Variants in HPS1 observed in about 807,000 individuals in gnomAD.
HPS1 encodes the protein BLOC-3 complex member HPS1.
In HPS1, 59 loss-of-function variants were observed where a neutral mutation model predicts 90.6. The ratio of observed to expected loss-of-function variants is 0.65; its 90% confidence interval spans 0.53 to 0.81. The LOEUF (loss-of-function observed/expected upper bound fraction) is 0.81. Ranked by LOEUF, HPS1 falls within the 30% of genes least tolerant of loss-of-function variation. HPS1 has a pLI of 0.00. For synonymous variants in HPS1, 388 were observed against 384.4 expected (o/e 1.01, Z -0.11); for missense variants, 849 against 896.7 (o/e 0.95, Z 0.68).
intron 14 of HPS1, 53 bp from the exon 15 acceptor site, chr10:98,423,940 C>T (rs1016326877): frequency 6.2e-6 from 10 of 1,604,954 alleles, no homozygotes; most frequent in East Asian, 2.2e-5. Context: ...GGGAGCCCCT[C>T]GCCCTGTGTG....
intron 17 of HPS1, among the ~76,000 whole-genome samples, chr10:98,421,552 C>G (rs1844848955): frequency 6.6e-6 from 1 of 152,104 alleles, no homozygotes; most frequent in Admixed American, 6.6e-5. Context: ...AGCAAAGTTG[C>G]ACATACAGAG....
Position 98,423,797 on chromosome 10 carries a change from T to C in HPS1, c.1488A>G (p.Pro496=). ...GGTCCTGCAGGTGCTGGGGCAGGTGTGGGCCTCCCCTGCTGGGGGCTGTGG... is the reference window on the plus strand; with the variant it reads ...GGTCCTGCAGGTGCTGGGGCAGGTGCGGGCCTCCCCTGCTGGGGGCTGTGG... ...FLTTAPSRGG[P]HLPQHLQDQV... is the part of the protein sequence containing the mutation. Residue 496 remains proline, a synonymous_variant, in exon 15 of 20, where the codon CCA becomes CCG. Transcript: ENST00000361490. 6.2e-7 allele frequency: 1 copy of C among 1,614,012 alleles called. No homozygotes were observed. Among genetic ancestry groups the C allele is most frequent in the Non-Finnish European group, 8.5e-7 (1 of 1,180,010 alleles).
intron 17 of HPS1, among the ~76,000 whole-genome samples, chr10:98,421,634 C>T (rs1323833647): frequency 6.6e-6 from 1 of 152,152 alleles, no homozygotes; most frequent in African/African-American, 2.4e-5. Context: ...CAACTGTCTC[C>T]AGAATGAGGG....
At position 98,417,558 on chromosome 10, in the gene HPS1, C is replaced by T; in HGVS notation, c.*6G>A. 6.2e-7 allele frequency: 1 copy of T among 1,608,222 alleles called. No individual in the cohort carries two copies. Among genetic ancestry groups the T allele is most frequent in the Non-Finnish European group, 8.5e-7 (1 of 1,177,746 alleles). Reference sequence around the variant, plus strand: ...GGATGCAAAGGCAGACTGCGGCCACCTTGGCCTAGAGCAGGGGGATACGGG... The same window carrying T: ...GGATGCAAAGGCAGACTGCGGCCACTTTGGCCTAGAGCAGGGGGATACGGG... On this transcript the variant is annotated 3_prime_UTR_variant, in exon 20 of 20. Coordinates refer to ENST00000361490, the MANE Select transcript of HPS1 (RefSeq NM_000195.5). The surrounding 1 kb of genome is among the most constrained non-coding windows in gnomAD (Gnocchi z 4.2).
rs369086708 is a variant in HPS1 at position 98,435,453 on chromosome 10, G to A, written c.256-39C>T. ...CAGGCCAGTGTCAGCCAGCCCCAAGGGCACTCCCTTCACCTGCCCTGGTCT... is the reference window on the plus strand; with the variant it reads ...CAGGCCAGTGTCAGCCAGCCCCAAGAGCACTCCCTTCACCTGCCCTGGTCT... On this transcript the variant is annotated intron_variant, in intron 4 of 19. Coordinates refer to ENST00000361490, the MANE Select transcript of HPS1 (RefSeq NM_000195.5). This position sits in a 1 kb window ranked among gnomAD's most constrained non-coding sequence, Gnocchi z 4.3. 1.1e-4 allele frequency: 183 copies of A among 1,613,552 alleles called. No homozygotes were observed. In the African/African-American group the frequency reaches 2.2e-3, roughly 20 times the overall value.
At chr10:98,430,218 C>A (rs140427718) in intron 8 of HPS1, among the ~76,000 whole-genome samples, 1 of 152,210 alleles carries the variant, frequency 6.6e-6, no homozygotes, top group South Asian at 2.1e-4. Flanking sequence ...CCCCTTTTGT[C>A]CCTCCAAATA....
intron 14 of HPS1, among the ~76,000 whole-genome samples, chr10:98,424,102 G>C (rs1845274721): frequency 6.6e-6 from 1 of 152,168 alleles, no homozygotes; most frequent in African/African-American, 2.4e-5. Flanking sequence ...CAGACAGATG[G>C]AAAGACCTAA....
Position 98,417,434 on chromosome 10 carries a change from G to A in HPS1, c.*130C>T. The A allele has an allele frequency of 1.3e-6, 1 of 774,040 alleles. No homozygotes were observed. Among genetic ancestry groups the A allele is most frequent in the Non-Finnish European group, 2.0e-6 (1 of 490,018 alleles). 47.9% of individuals were successfully genotyped at this position (774,040 alleles called of 1,614,324 possible). A position where few individuals can be genotyped will look rare whatever the true frequency, so the allele number is the denominator to read the frequency against. On this transcript the variant is annotated 3_prime_UTR_variant, in exon 20 of 20. Coordinates refer to ENST00000361490, the MANE Select transcript of HPS1 (RefSeq NM_000195.5). The surrounding 1 kb of genome is among the most constrained non-coding windows in gnomAD (Gnocchi z 4.2). ...TCTAGGTGGGGTTTTAGAAGCCCTG[G>A]GGCCACCCTGGGCACTCTGCCCTAT...
intron 11 of HPS1, among the ~76,000 whole-genome samples, chr10:98,426,508 T>G (rs1845620004): frequency 6.6e-6 from 1 of 152,168 alleles, no homozygotes; most frequent in Middle Eastern, 3.2e-3. Flanking sequence ...AAGGAAATCA[T>G]GAGAGATGCC....
chr10:98,440,155 G>T (rs1272028747), intron 3 of HPS1, among the ~76,000 whole-genome samples: 3 of 152,124 alleles, frequency 2.0e-5, no homozygotes, highest in Non-Finnish European at 2.9e-5. Flanking sequence ...GTAAGAAAAT[G>T]GACTAATACA....
In HPS1 at chr10:98,435,208, C is replaced by T. The variant is rs1847129476; in HGVS notation, c.398+64G>A. 24 of 1,603,438 alleles carry T rather than the reference C, an allele frequency of 1.5e-5. No homozygotes were observed. Among genetic ancestry groups the T allele is most frequent in the Non-Finnish European group, 2.0e-5 (23 of 1,171,928 alleles). On this transcript the variant is annotated intron_variant, in intron 5 of 19. Coordinates refer to ENST00000361490, the MANE Select transcript of HPS1 (RefSeq NM_000195.5). This position sits in a 1 kb window ranked among gnomAD's most constrained non-coding sequence, Gnocchi z 4.3. ...ATGGCAGCTTCACAGGGGCTGGGCA[C>T]ACGCTGCCTGGCCCAGCGAGGGTGC...
intron 3 of HPS1, among the ~76,000 whole-genome samples, chr10:98,436,926 C>T (rs553663583): frequency 2.6e-4 from 40 of 152,270 alleles, no homozygotes; most frequent in African/African-American, 8.7e-4. Context: ...TGCCAACATT[C>T]GGGAACCAAG....
chr10:98,419,930 C>G, intron 18 of HPS1, 115 bp downstream of exon 18: 2 of 823,978 alleles, frequency 2.4e-6, no homozygotes, highest in Non-Finnish European at 4.3e-6. Flanking sequence ...GGCTTACCAG[C>G]AACAAGAAGA....
rs576260502 is a variant in HPS1 at position 98,417,615 on chromosome 10, G to A, written c.2052C>T (p.Ala684=). The A allele has an allele frequency of 5.1e-4, 816 of 1,612,924 alleles. 10 individuals are homozygous for A. In the South Asian group the frequency reaches 8.4e-3, roughly 17 times the overall value. ...CCCAGAGGCGCCGGGCCAGCTGGCC[G>A]GCCTGCTGCACCAGCAGGTCAGTGG... ...VIPTDLLVQQ[A]GQLARRLWEA... is the part of the protein sequence containing the mutation. Residue 684 remains alanine (A), a synonymous_variant, in exon 20 of 20, where the codon GCC becomes GCT. Transcript: ENST00000361490. The surrounding 1 kb of genome is among the most constrained non-coding windows in gnomAD (Gnocchi z 4.2).
At chr10:98,440,214 AC>A (rs1938169976) in intron 3 of HPS1, among the ~76,000 whole-genome samples, 1 of 152,204 alleles carries the variant, frequency 6.6e-6, no homozygotes, top group Non-Finnish European at 1.5e-5. Flanking sequence ...CTCATATATT[AC>A]TTGGCGGAAT....
chr10:98,441,328 T>C (rs912576502), intron 3 of HPS1, among the ~76,000 whole-genome samples: 2 of 151,856 alleles, frequency 1.3e-5, no homozygotes, highest in African/African-American at 4.8e-5. Flanking sequence ...GATGTCCACA[T>C]GCAAAAAAAA....
At chr10:98,439,148 G>A (rs1024020660) in intron 3 of HPS1, among the ~76,000 whole-genome samples, 1 of 152,228 alleles carries the variant, frequency 6.6e-6, no homozygotes, top group South Asian at 2.1e-4. Context: ...TACAGGGGCA[G>A]AGCCCTCATG....
chr10:98,423,928 AG>A, intron 14 of HPS1, 41 bp from the exon 15 acceptor site: 1 of 1,609,948 alleles, frequency 6.2e-7, no homozygotes, highest in South Asian at 1.1e-5. Context: ...GAAGGGACCT[AG>A]GGGAGCCCCT....
At chr10:98,422,244 C>T in intron 17 of HPS1, 125 bp downstream of exon 17, 1 of 1,001,010 alleles carries the variant, frequency 1.0e-6, no homozygotes, top group Admixed American at 1.8e-5. Flanking sequence ...CCGGCACTGG[C>T]CACTGCCTCC....
Sources: allele counts gnomAD v4.1 joint callset (sites outside exome capture counted in the v4.1 genomes callset), GRCh38; gene constraint gnomAD v4.1.1; non-coding constraint Gnocchi (gnomAD v3.1); transcripts MANE v1.5; gene names NCBI Gene and HGNC (gene_info 2026-07-23, HGNC 2026-07-21).